The following SLC8A1 variants were observed in gnomAD, a reference collection of about 807,000 sequenced individuals.
SLC8A1 encodes sodium/calcium exchanger 1.
Under a neutral mutation model 68.3 loss-of-function variants are expected in SLC8A1, and 18 were observed. That is an observed-to-expected ratio of 0.26 (90% CI 0.18 to 0.39). The LOEUF (loss-of-function observed/expected upper bound fraction) is 0.39. Ranked by LOEUF, SLC8A1 falls within the 10% of genes least tolerant of loss-of-function variation. The pLI, the probability that SLC8A1 is intolerant of heterozygous loss-of-function variation, is 1.00. For synonymous variants in SLC8A1, 475 were observed against 415.5 expected, an observed-to-expected ratio of 1.14 and a Z score of -1.74; for missense variants, 985 against 1,156.7, an observed-to-expected ratio of 0.85 and a Z score of 2.15.
intron 2 of SLC8A1, among the ~76,000 whole-genome samples, chr2:40,346,730 T>C (rs761696998): frequency 1.3e-5 from 2 of 152,132 alleles, no homozygotes; most frequent in African/African-American, 4.8e-5. Context: ...AATTGTTTTG[T>C]CTGCATCCTG....
At chr2:40,304,227 T>TC (rs1212121400) in intron 2 of SLC8A1, among the ~76,000 whole-genome samples, 4 of 152,182 alleles carry the variant, frequency 2.6e-5, no homozygotes, top group African/African-American at 9.7e-5. Flanking sequence ...TTCAGAGATG[T>TC]CCTTCCAGCT....
At chr2:40,208,267 G>A (rs1353517387) in intron 2 of SLC8A1, 1 of 152,096 alleles carries the variant, frequency 6.6e-6, no homozygotes, top group Admixed American at 6.6e-5. Context: ...TCTTTCCATA[G>A]TCAAGGTTCC....
chr2:40,411,025 G>GT (rs1160437860), intron 2 of SLC8A1, among the ~76,000 whole-genome samples: 1 of 151,968 alleles, frequency 6.6e-6, no homozygotes, highest in Non-Finnish European at 1.5e-5. Context: ...AAATAATTAA[G>GT]TTTTTTTAGA....
At chr2:40,215,689 T>C (rs1384000264) in intron 2 of SLC8A1, among the ~76,000 whole-genome samples, 1 of 148,318 alleles carries the variant, frequency 6.7e-6, no homozygotes, top group African/African-American at 2.5e-5. Flanking sequence ...AAAGACAAGG[T>C]CTTGCTTTGT....
At chr2:40,358,997 C>T (rs1439421810) in intron 2 of SLC8A1, among the ~76,000 whole-genome samples, 10 of 151,902 alleles carry the variant, frequency 6.6e-5, no homozygotes, top group African/African-American at 1.2e-4. Context: ...GGGGGTGGAA[C>T]GGCTTGTGCA....
chr2:40,488,985 A>G (rs1454615855), intron 1 of SLC8A1, among the ~76,000 whole-genome samples: 1 of 152,134 alleles, frequency 6.6e-6, no homozygotes. Context: ...GAGTCCCACA[A>G]GATAATCCTA....
In SLC8A1 at chr2:40,139,697, C is replaced by A. The variant is rs2041190507; in HGVS notation, c.2162-21G>T. On this transcript the variant is annotated intron_variant, in intron 6 of 7. Transcript: ENST00000406785. ...TTCCCCTAGAGAGAATGGAAGGAAG[C>A]ACATTTCATCACAACCTGTGTTGCC... The A allele has an allele frequency of 1.9e-6, 3 of 1,603,608 alleles. No individual in the cohort carries two copies. In the East Asian group the frequency reaches 6.7e-5, roughly 36 times the overall value.
chr2:40,202,775 T>C (rs1484102006), intron 2 of SLC8A1, among the ~76,000 whole-genome samples: 1 of 151,962 alleles, frequency 6.6e-6, no homozygotes, highest in Non-Finnish European at 1.5e-5. Flanking sequence ...AGCCAATATG[T>C]CATTTAATTT....
At position 40,164,993 on chromosome 2, in the gene SLC8A1, C is replaced by T. The variant is rs201849439; in HGVS notation, c.1931-9G>A. 156 of 1,613,578 alleles carry T rather than the reference C, an allele frequency of 9.7e-5. No homozygotes were observed. Among genetic ancestry groups the T allele is most frequent in the African/African-American group, 8.0e-5 (6 of 75,002 alleles). ...CTTGTCATCATATTCGTCTGTGAAA[C>T]GGAAGTATCAGAGAGTGAGCACTGT... On this transcript the variant is annotated splice_polypyrimidine_tract_variant and intron_variant, in intron 4 of 7. Coordinates refer to ENST00000406785, the Ensembl canonical transcript of SLC8A1.
At chr2:40,239,023 C>G (rs1375032799) in intron 2 of SLC8A1, among the ~76,000 whole-genome samples, 1 of 150,470 alleles carries the variant, frequency 6.6e-6, no homozygotes, top group Non-Finnish European at 1.5e-5. Context: ...GTATAGTTCC[C>G]CAAATGAATT....
chr2:40,391,193 C>CACACACACGTATATATAT (rs1553562256), intron 2 of SLC8A1, among the ~76,000 whole-genome samples: 1 of 150,664 alleles, frequency 6.6e-6, no homozygotes. Context: ...ATATATATTA[C>CACACACACGTATATATAT]ACACACACAT....
intron 7 of SLC8A1, among the ~76,000 whole-genome samples, chr2:40,136,670 C>CT (rs2040552928): frequency 6.6e-6 from 1 of 152,140 alleles, no homozygotes; most frequent in African/African-American, 2.4e-5. Context: ...CTTTATTCTT[C>CT]TGCCTGTAGC....
intron 2 of SLC8A1, among the ~76,000 whole-genome samples, chr2:40,417,369 G>C (rs1694190729): frequency 6.6e-6 from 1 of 152,000 alleles, no homozygotes; most frequent in Non-Finnish European, 1.5e-5. Flanking sequence ...GACATCATTG[G>C]GAATTGTAAA....
intron 2 of SLC8A1, chr2:40,250,934 G>C (rs111618841): frequency 2.9e-4 from 44 of 152,248 alleles, no homozygotes; most frequent in African/African-American, 1.1e-3. Flanking sequence ...GATTATTCTG[G>C]CTTTTTGGGT....
At chr2:40,498,038 T>C (rs1705822266) in intron 1 of SLC8A1, among the ~76,000 whole-genome samples, 1 of 152,022 alleles carries the variant, frequency 6.6e-6, no homozygotes, top group African/African-American at 2.4e-5. Context: ...TGGGACTGAT[T>C]TGGTGTGTTG....
chr2:40,498,137 G>A (rs190521754), intron 1 of SLC8A1, among the ~76,000 whole-genome samples: 48 of 152,078 alleles, frequency 3.2e-4, no homozygotes, highest in African/African-American at 8.9e-4. Flanking sequence ...TCAGTCAGGT[G>A]GATAGTAAAG....
intron 4 of SLC8A1, 111 bp from the exon 7 acceptor site, chr2:40,170,460 C>G: frequency 1.1e-6 from 1 of 886,224 alleles, no homozygotes; most frequent in Non-Finnish European, 1.8e-6. Flanking sequence ...ACATCACAAG[C>G]AACGTTAGTT....
intron 2 of SLC8A1, among the ~76,000 whole-genome samples, chr2:40,198,264 A>G (rs1408934442): frequency 6.6e-6 from 1 of 152,006 alleles, no homozygotes; most frequent in Non-Finnish European, 1.5e-5. Flanking sequence ...AACGGTAGCA[A>G]AAAACCTCAA....
chr2:40,168,919 G>C (rs1186547341), intron 4 of SLC8A1, among the ~76,000 whole-genome samples: 5 of 152,158 alleles, frequency 3.3e-5, no homozygotes, highest in African/African-American at 1.2e-4. Flanking sequence ...AAGATCAAAT[G>C]CATAATTAAC....
Sources: gnomAD v4.1 joint callset for allele counts (sites outside exome capture counted in the v4.1 genomes callset) on GRCh38, gnomAD v4.1.1 for gene constraint, MANE v1.5 for transcripts, NCBI Gene and HGNC (gene_info 2026-07-23, HGNC 2026-07-21) for gene names.